The following NKAIN2 variants were observed in gnomAD, a reference collection of about 807,000 sequenced individuals.
NKAIN2 encodes sodium/potassium-transporting ATPase subunit beta-1-interacting protein 2.
A neutral mutation model predicts 32.6 loss-of-function variants in NKAIN2; 14 were observed. That is an observed-to-expected ratio of 0.43 (90% CI 0.28 to 0.67). The LOEUF (loss-of-function observed/expected upper bound fraction) is 0.67, where lower values mean the gene tolerates loss of function less well. NKAIN2 is among the 30% of genes least tolerant of loss of function. The pLI, the probability that NKAIN2 is intolerant of heterozygous loss-of-function variation, is 0.17. For missense variants in NKAIN2, 198 were observed against 258.3 expected, an observed-to-expected ratio of 0.77 and a Z score of 1.60; for synonymous variants, 80 against 87.2, an observed-to-expected ratio of 0.92 and a Z score of 0.46.
chr6:124,553,177 T>G (rs568922358), intron 3 of NKAIN2, among the ~76,000 whole-genome samples: 1 of 152,232 alleles, frequency 6.6e-6, no homozygotes, highest in African/African-American at 2.4e-5. Flanking sequence ...TGAATCGTTA[T>G]TGGAATTCCT....
At chr6:124,520,945 A>G (rs1033893102) in intron 3 of NKAIN2, among the ~76,000 whole-genome samples, 2 of 152,222 alleles carry the variant, frequency 1.3e-5, no homozygotes, top group Non-Finnish European at 2.9e-5. Flanking sequence ...GCTAGTATAT[A>G]GAAAAGCAAT....
intron 3 of NKAIN2, among the ~76,000 whole-genome samples, chr6:124,370,596 TTA>T (rs1799717618): frequency 6.6e-6 from 1 of 152,142 alleles, no homozygotes; most frequent in Admixed American, 6.6e-5. Context: ...GTCATCTTTC[TTA>T]TGTGTAAAAA....
chr6:124,038,856 C>T (rs902355447), intron 1 of NKAIN2, among the ~76,000 whole-genome samples: 2 of 152,050 alleles, frequency 1.3e-5, no homozygotes, highest in Non-Finnish European at 2.9e-5. Flanking sequence ...TTTCACAGAA[C>T]AGTTCAATAT....
intron 3 of NKAIN2, among the ~76,000 whole-genome samples, chr6:124,381,288 A>C (rs1245260198): frequency 6.6e-6 from 1 of 152,184 alleles, no homozygotes; most frequent in Non-Finnish European, 1.5e-5. Context: ...ACTTTTAAAG[A>C]AATTAGTAAA....
chr6:124,512,944 TAGAA>T (rs1014239156), intron 3 of NKAIN2, among the ~76,000 whole-genome samples: 4 of 151,868 alleles, frequency 2.6e-5, no homozygotes, highest in African/African-American at 7.3e-5. Context: ...AAATCCAAAA[TAGAA>T]AGAAAGAAAT....
chr6:124,431,339 T>G (rs1052784260), intron 3 of NKAIN2, among the ~76,000 whole-genome samples: 5 of 152,158 alleles, frequency 3.3e-5, no homozygotes, highest in Admixed American at 3.3e-4. Context: ...GAAAAATGAC[T>G]GAAACTACTA....
At chr6:124,082,611 T>C (rs1784025398) in intron 1 of NKAIN2, among the ~76,000 whole-genome samples, 1 of 152,112 alleles carries the variant, frequency 6.6e-6, no homozygotes, top group African/African-American at 2.4e-5. Context: ...CTGCTTCAAA[T>C]GTTTGTTTAT....
intron 5 of NKAIN2, among the ~76,000 whole-genome samples, chr6:124,796,151 G>A (rs1303382210): frequency 2.0e-5 from 3 of 152,058 alleles, no homozygotes; most frequent in African/African-American, 7.2e-5. Flanking sequence ...CTTCCCCCAT[G>A]AATTAGTTAG....
In NKAIN2 at chr6:123,940,448, A is replaced by G. The variant is rs1048829370; in HGVS notation, c.54+136194A>G. ...GGATTGAGAAATGTGTTGTGACATGATTTTGTCATTGTGTGAACATCATAG... is the reference window on the plus strand; with the variant it reads ...GGATTGAGAAATGTGTTGTGACATGGTTTTGTCATTGTGTGAACATCATAG... On this transcript the variant is annotated intron_variant, in intron 1 of 6. Coordinates refer to ENST00000368417, the MANE Select transcript of NKAIN2 (RefSeq NM_001040214.3). Among the ~76,000 whole-genome samples the G allele has an allele frequency of 3.3e-5, 5 of 151,780 alleles. No individual in the cohort carries two copies. The Admixed American group carries it at 3.3e-4, about 10-fold the overall frequency.
intron 1 of NKAIN2, among the ~76,000 whole-genome samples, chr6:124,144,829 T>C (rs1156464123): frequency 6.6e-6 from 1 of 151,866 alleles, no homozygotes; most frequent in African/African-American, 2.4e-5. Context: ...GTGAAGAAGA[T>C]AAAAAGACAA....
chr6:124,805,065 G>C (rs1375380743), intron 5 of NKAIN2, among the ~76,000 whole-genome samples: 1 of 152,218 alleles, frequency 6.6e-6, no homozygotes, highest in East Asian at 1.9e-4. Context: ...TCTGGGGGCA[G>C]GGCACAGACA....
intron 1 of NKAIN2, among the ~76,000 whole-genome samples, chr6:124,000,962 C>T (rs1036129023): frequency 6.6e-6 from 1 of 152,022 alleles, no homozygotes; most frequent in African/African-American, 2.4e-5. Flanking sequence ...AAAGCTTGTT[C>T]ACCATTGACG....
intron 1 of NKAIN2, among the ~76,000 whole-genome samples, chr6:124,136,376 G>A (rs773329638): frequency 1.3e-5 from 2 of 151,786 alleles, no homozygotes; most frequent in Non-Finnish European, 2.9e-5. Context: ...TTAAAAAGTT[G>A]CCAACAAAAA....
chr6:124,734,591 A>C (rs575466701), intron 4 of NKAIN2, among the ~76,000 whole-genome samples: 11 of 152,020 alleles, frequency 7.2e-5, no homozygotes, highest in African/African-American at 2.6e-4. Context: ...ACACTGGAGA[A>C]CTTCCAGAAG....
intron 1 of NKAIN2, among the ~76,000 whole-genome samples, chr6:123,932,215 C>T (rs1464579958): frequency 6.6e-6 from 1 of 152,136 alleles, no homozygotes; most frequent in Non-Finnish European, 1.5e-5. Flanking sequence ...GACTTGCCTT[C>T]TCTCTCTTCT....
At chr6:124,479,467 C>T (rs584197) in intron 3 of NKAIN2, among the ~76,000 whole-genome samples, 118,067 of 152,054 alleles carry the variant, frequency 0.78, 45,952 homozygotes, top group East Asian at 0.86. Context: ...ATCATGTCAC[C>T]GAGTTTGCCC....
chr6:124,028,239 G>T (rs17086515), intron 1 of NKAIN2, among the ~76,000 whole-genome samples: 8,125 of 152,066 alleles, frequency 0.053, 718 homozygotes, highest in African/African-American at 0.18. Flanking sequence ...CAGTAACAAT[G>T]TTATTTTTCA....
At chr6:124,081,977 A>G (rs1432749900) in intron 1 of NKAIN2, among the ~76,000 whole-genome samples, 1 of 152,064 alleles carries the variant, frequency 6.6e-6, no homozygotes, top group Non-Finnish European at 1.5e-5. Context: ...CAAAGGAGTA[A>G]ATTCAATCCA....
At chr6:124,149,114 A>C (rs927133050) in intron 1 of NKAIN2, among the ~76,000 whole-genome samples, 20 of 152,052 alleles carry the variant, frequency 1.3e-4, no homozygotes, top group African/African-American at 4.6e-4. Context: ...CTTTGGAGAA[A>C]CGTCTATTTA....
Sources: allele counts gnomAD v4.1 joint callset (sites outside exome capture counted in the v4.1 genomes callset), GRCh38; gene constraint gnomAD v4.1.1; transcripts MANE v1.5; gene names NCBI Gene and HGNC (gene_info 2026-07-23, HGNC 2026-07-21).